The following CRLF3 variants were observed in gnomAD, a reference collection of about 807,000 sequenced individuals.
The protein encoded by CRLF3 is cytokine receptor like factor 3, also known as cytokine receptor-like factor 3.
CRLF3 carries 33 observed loss-of-function variants against 55.0 expected under a neutral mutation model. The ratio of observed to expected loss-of-function variants is 0.60; its 90% CI spans 0.46 to 0.80. The LOEUF is 0.80. Among genes scored for constraint, CRLF3 ranks in the 30% least tolerant of loss-of-function variants. The pLI is 0.00. For synonymous variants in CRLF3, 238 were observed against 196.8 expected (o/e 1.21, Z -1.75); for missense variants, 494 against 538.4 (o/e 0.92, Z 0.82).
intron 3 of CRLF3, 24 bp from the exon 4 acceptor site, chr17:30,796,361 T>C (rs746434146): frequency 1.3e-5 from 21 of 1,578,904 alleles, no homozygotes; most frequent in Non-Finnish European, 1.7e-5. Context: ...GCTCATGTGT[T>C]ATGAGACCTC....
At chr17:30,821,910 A>G (rs1226116296) in intron 1 of CRLF3, among the ~76,000 whole-genome samples, 6 of 151,936 alleles carry the variant, frequency 3.9e-5, no homozygotes, top group African/African-American at 1.5e-4. Context: ...CGGTGTGTGA[A>G]TTATATCTCA....
intron 2 of CRLF3, among the ~76,000 whole-genome samples, chr17:30,799,315 C>CAAAAAT: frequency 6.6e-6 from 1 of 152,212 alleles, no homozygotes; most frequent in East Asian, 1.9e-4. Context: ...TTTGGACATA[C>CAAAAAT]AAAAATATTC....
At chr17:30,788,205 G>A (rs2142243035) in intron 6 of CRLF3, among the ~76,000 whole-genome samples, 1 of 151,806 alleles carries the variant, frequency 6.6e-6, no homozygotes, top group East Asian at 1.9e-4. Flanking sequence ...GCAGGCGCCT[G>A]TAGTCCCAGC....
At chr17:30,805,022 A>G (rs1904353089) in intron 1 of CRLF3, among the ~76,000 whole-genome samples, 1 of 152,086 alleles carries the variant, frequency 6.6e-6, no homozygotes, top group African/African-American at 2.4e-5. Context: ...GTATCTACTA[A>G]AAATACAAAA....
chr17:30,784,302 G>T lies in CRLF3; in HGVS notation c.1214C>A (p.Thr405Asn). ...NEGGHFKLRV[T>N]ISSNNREVVF... ...CACTTCTCTATTATTTGAACTTATAGTTACTCGAAGCTTGAAGTGTCCACC... is the reference window on the plus strand; with the variant it reads ...CACTTCTCTATTATTTGAACTTATATTTACTCGAAGCTTGAAGTGTCCACC... The change falls in exon 8 of 8, where the codon ACT (threonine) becomes AAT (asparagine). Residue 405 changes from threonine to asparagine, a missense_variant. Physicochemically the swap from Thr to Asn is moderately conservative, Grantham distance 65. Transcript: ENST00000324238. The T allele has an allele frequency of 6.2e-7, 1 of 1,614,126 alleles. No individual in the cohort carries two copies. Among genetic ancestry groups the T allele is most frequent in the African/African-American group, 1.3e-5 (1 of 75,024 alleles).
At position 30,802,209 on chromosome 17, in the gene CRLF3, G is replaced by A. The variant is rs1460224499; in HGVS notation, c.337+1692C>T. On this transcript the variant is annotated intron_variant, in intron 2 of 7. Transcript: ENST00000324238. ...GCAATCTCGGCTAACTGCAACCTCCGCCTCCCGGGTTCAAGCAATTCTCCT... is the reference window on the plus strand; with the variant it reads ...GCAATCTCGGCTAACTGCAACCTCCACCTCCCGGGTTCAAGCAATTCTCCT... 3.5e-5 allele frequency among the ~76,000 whole-genome samples: 5 copies of A among 142,564 alleles called. No homozygotes were observed. The East Asian group carries it at 6.6e-4, about 19-fold the overall frequency. The allele number at this position is 142,564 out of a possible 152,430, so 93.5% of individuals were successfully genotyped here. A position where few individuals can be genotyped will look rare whatever the true frequency, so the allele number is the denominator to read the frequency against.
rs1159336036 is a variant in CRLF3, at chr17:30,788,599, C to CTTTTTTTTTTTTTTTTTT, written c.960-2586_960-2569dup. Among the ~76,000 whole-genome samples the CTTTTTTTTTTTTTTTTTT allele has an allele frequency of 7.5e-5, 6 of 80,038 alleles. 1 individual carries two copies. Among genetic ancestry groups the CTTTTTTTTTTTTTTTTTT allele is most frequent in the African/African-American group, 2.9e-4 (5 of 17,232 alleles). 52.5% of individuals were successfully genotyped at this position (80,038 alleles called of 152,430 possible). ...GGGATAAATAACAAAGTAGTGCCTT[C>CTTTTTTTTTTTTTTTTTT]TTTTTTTTTTTTTTTTTTTTTTTTT... On this transcript the variant is annotated intron_variant, in intron 6 of 7. Coordinates refer to ENST00000324238, the MANE Select transcript of CRLF3 (RefSeq NM_015986.4).
rs112747496 is a variant in CRLF3, at chr17:30,824,515, C to T, written c.129+8G>A. Reference sequence around the variant, plus strand: ...CCCACAGCGCCCCTGTGGGTGTGGCCCTCCGACCTGCCTCCGCGCCTCACG... The same window carrying T: ...CCCACAGCGCCCCTGTGGGTGTGGCTCTCCGACCTGCCTCCGCGCCTCACG... On this transcript the variant is annotated splice_region_variant and intron_variant, in intron 1 of 7. Transcript: ENST00000324238. 35 of 1,584,132 alleles carry T rather than the reference C, an allele frequency of 2.2e-5. No homozygotes were observed. The African/African-American group carries it at 4.3e-4, about 20-fold the overall frequency.
chr17:30,808,725 T>C (rs549687815), intron 1 of CRLF3, among the ~76,000 whole-genome samples: 1 of 152,158 alleles, frequency 6.6e-6, no homozygotes, highest in African/African-American at 2.4e-5. Context: ...CCCTAGTAGC[T>C]GGGATTACAG....
intron 1 of CRLF3, among the ~76,000 whole-genome samples, chr17:30,818,224 C>T (rs930438994): frequency 6.6e-6 from 1 of 151,760 alleles, no homozygotes; most frequent in East Asian, 2.0e-4. Context: ...TGAGCCATTG[C>T]ACTCCAGCCT....
intron 2 of CRLF3, among the ~76,000 whole-genome samples, chr17:30,797,820 G>A (rs1971944356): frequency 7.1e-6 from 1 of 141,842 alleles, no homozygotes; most frequent in Non-Finnish European, 1.5e-5. Flanking sequence ...TGTCACTCAT[G>A]CTGGAGCACA....
chr17:30,813,647 C>G (rs1904692480), intron 1 of CRLF3, among the ~76,000 whole-genome samples: 1 of 151,774 alleles, frequency 6.6e-6, no homozygotes, highest in Non-Finnish European at 1.5e-5. Context: ...TACATGTGCA[C>G]AACGTGCAGG....
At chr17:30,816,201 G>A (rs778483137) in intron 1 of CRLF3, among the ~76,000 whole-genome samples, 43 of 150,144 alleles carry the variant, frequency 2.9e-4, no homozygotes, top group Admixed American at 5.3e-4. Context: ...AGAATCACTC[G>A]AACCCGGAAA....
chr17:30,805,405 A>C (rs1904365472), intron 1 of CRLF3, among the ~76,000 whole-genome samples: 1 of 152,064 alleles, frequency 6.6e-6, no homozygotes. Context: ...AAAGCAGCAA[A>C]GAAGTGGTAG....
intron 5 of CRLF3, 90 bp from the exon 6 acceptor site, chr17:30,792,662 G>A (rs1158792296): frequency 1.6e-6 from 2 of 1,227,796 alleles, no homozygotes; most frequent in Admixed American, 3.7e-5. Flanking sequence ...GGAAATGGGA[G>A]ACTACTCTTA....
intron 4 of CRLF3, among the ~76,000 whole-genome samples, chr17:30,794,541 T>C (rs530128304): frequency 1.3e-5 from 2 of 152,340 alleles, no homozygotes; most frequent in South Asian, 4.1e-4. Context: ...CTCATGCCTA[T>C]AATCCTAACA....
intron 4 of CRLF3, among the ~76,000 whole-genome samples, chr17:30,795,370 G>T (rs1971897505): frequency 6.6e-6 from 1 of 151,924 alleles, no homozygotes; most frequent in African/African-American, 2.4e-5. Flanking sequence ...GGTGGCGCAT[G>T]CCTTAATCCC....
chr17:30,808,840 G>A (rs1904519268), intron 1 of CRLF3, among the ~76,000 whole-genome samples: 1 of 152,080 alleles, frequency 6.6e-6, no homozygotes, highest in African/African-American at 2.4e-5. Flanking sequence ...TGATCTGCCC[G>A]CCTCAGCCTC....
chr17:30,799,142 G>A (rs987811610), intron 2 of CRLF3, among the ~76,000 whole-genome samples: 1 of 150,952 alleles, frequency 6.6e-6, no homozygotes, highest in Admixed American at 6.6e-5. Context: ...GCGTGGTGGC[G>A]GGCGCCTATA....
Sources: gnomAD v4.1 joint callset for allele counts (sites outside exome capture counted in the v4.1 genomes callset) on GRCh38, gnomAD v4.1.1 for gene constraint, MANE v1.5 for transcripts, NCBI Gene and HGNC (gene_info 2026-07-23, HGNC 2026-07-21) for gene names.